Variants in ROBO2 observed in about 807,000 individuals in gnomAD.
The protein encoded by ROBO2 is roundabout homolog 2.
In ROBO2, 53 loss-of-function variants were observed where a neutral mutation model predicts 160.8. The ratio of observed to expected loss-of-function variants is 0.33; its 90% CI spans 0.26 to 0.41. The LOEUF (loss-of-function observed/expected upper bound fraction) is 0.41, where lower values mean the gene tolerates loss of function less well. ROBO2 is among the 10% of genes least tolerant of loss of function. The pLI is 1.00. For synonymous variants in ROBO2, 664 were observed against 611.7 expected, an observed-to-expected ratio of 1.09 and a Z score of -1.26; for missense variants, 1,577 against 1,722.4, an observed-to-expected ratio of 0.92 and a Z score of 1.49.
intron 5 of ROBO2, among the ~76,000 whole-genome samples, chr3:77,505,705 A>G (rs2088403393): frequency 6.6e-6 from 1 of 152,136 alleles, no homozygotes. Context: ...TAATATTTAC[A>G]AGTGCTTTCC....
intron 2 of ROBO2, among the ~76,000 whole-genome samples, chr3:76,248,993 A>G (rs1346233522): frequency 6.6e-6 from 1 of 152,164 alleles, no homozygotes; most frequent in Non-Finnish European, 1.5e-5. Context: ...TAAGACACAC[A>G]TGTATTTCGT....
intron 2 of ROBO2, among the ~76,000 whole-genome samples, chr3:77,211,016 C>G (rs1410020727): frequency 6.6e-6 from 1 of 152,122 alleles, no homozygotes; most frequent in East Asian, 1.9e-4. Context: ...GGTTCCAAGT[C>G]TTTGCTATCG....
Position 76,529,102 on chromosome 3 carries a change from T to A in ROBO2, c.110-568912T>A, listed in dbSNP as rs79903155. 8.6e-3 allele frequency among the ~76,000 whole-genome samples: 1,313 copies of A among 152,202 alleles called. 14 individuals carry two copies. The highest frequency in any genetic ancestry group is 0.029 in the African/African-American group (1,200 of 41,510). On this transcript the variant is annotated intron_variant, in intron 2 of 26. Coordinates refer to the ROBO2 transcript ENST00000487694. The stretch of plus-strand genomic sequence containing the variant: ...TGAGAAAGACAAAACTGTTGACAGC[T>A]CTTCTGAAAGACAGCATGTTATGTA...
At chr3:76,230,935 G>T (rs549340355) in intron 2 of ROBO2, among the ~76,000 whole-genome samples, 28 of 152,302 alleles carry the variant, frequency 1.8e-4, no homozygotes, top group African/African-American at 6.7e-4. Context: ...CAAAGGCAGA[G>T]ATCAGGGTAA....
chr3:76,826,556 G>T (rs553929464), intron 2 of ROBO2, among the ~76,000 whole-genome samples: 2 of 152,140 alleles, frequency 1.3e-5, no homozygotes, highest in South Asian at 2.1e-4. Flanking sequence ...GTATGGCCCC[G>T]TAATAACAAG....
At chr3:77,607,764 T>G (rs1583247612) in intron 20 of ROBO2, 34 bp from the exon 22 acceptor site, 1 of 1,596,150 alleles carries the variant, frequency 6.3e-7, no homozygotes, top group East Asian at 2.2e-5. Context: ...TTCTGCTATT[T>G]GGCATCTCTG....
intron 2 of ROBO2, among the ~76,000 whole-genome samples, chr3:76,702,443 TACAAA>T (rs1487660263): frequency 6.6e-6 from 1 of 151,508 alleles, no homozygotes; most frequent in African/African-American, 2.4e-5. Context: ...GAGGTTCATA[TACAAA>T]ACAAACAAAC....
At chr3:76,858,902 A>G (rs527685713) in intron 2 of ROBO2, among the ~76,000 whole-genome samples, 26 of 152,350 alleles carry the variant, frequency 1.7e-4, no homozygotes, top group Middle Eastern at 6.8e-3. Context: ...GTCCTGGAAG[A>G]TAGAAACCAG....
At chr3:76,037,416 C>T (rs998555783) in intron 2 of ROBO2, among the ~76,000 whole-genome samples, 10 of 151,746 alleles carry the variant, frequency 6.6e-5, no homozygotes, top group South Asian at 2.1e-4. Context: ...CACCACCATG[C>T]CTGGCTAATT....
intron 2 of ROBO2, among the ~76,000 whole-genome samples, chr3:76,351,101 C>A (rs955500906): frequency 6.6e-6 from 1 of 151,826 alleles, no homozygotes; most frequent in African/African-American, 2.4e-5. Flanking sequence ...GAATTTTCCT[C>A]AACCCTCTCA....
chr3:77,348,092 A>G (rs759141786), intron 2 of ROBO2, among the ~76,000 whole-genome samples: 12 of 152,022 alleles, frequency 7.9e-5, no homozygotes, highest in African/African-American at 2.4e-4. Flanking sequence ...AGCTTTTACC[A>G]GACAGGGGTC....
chr3:75,909,055 A>T (rs943868068), intron 1 of ROBO2, among the ~76,000 whole-genome samples: 1 of 152,206 alleles, frequency 6.6e-6, no homozygotes, highest in South Asian at 2.1e-4. Context: ...TGTGGGACTT[A>T]TGAGAAAAGG....
chr3:77,345,968 A>T (rs1455853013), intron 2 of ROBO2, among the ~76,000 whole-genome samples: 1 of 152,112 alleles, frequency 6.6e-6, no homozygotes, highest in African/African-American at 2.4e-5. Context: ...TACACATAAT[A>T]TTGGTTGGTT....
At chr3:77,107,126 G>C (rs1030867488) in intron 2 of ROBO2, among the ~76,000 whole-genome samples, 1 of 152,158 alleles carries the variant, frequency 6.6e-6, no homozygotes, top group Non-Finnish European at 1.5e-5. Flanking sequence ...CCACCTCCTG[G>C]TTCATAGACG....
At chr3:76,228,867 T>C (rs1207383637) in intron 2 of ROBO2, among the ~76,000 whole-genome samples, 1 of 152,114 alleles carries the variant, frequency 6.6e-6, no homozygotes, top group Non-Finnish European at 1.5e-5. Context: ...AAAAAATTAG[T>C]GGGGCATGCT....
intron 2 of ROBO2, among the ~76,000 whole-genome samples, chr3:76,932,128 A>G (rs2149059237): frequency 6.6e-6 from 1 of 152,282 alleles, no homozygotes; most frequent in African/African-American, 2.4e-5. Context: ...GACTACCAAA[A>G]AAAATGGCAT....
intron 2 of ROBO2, among the ~76,000 whole-genome samples, chr3:77,444,441 G>A (rs1422548097): frequency 2.0e-5 from 3 of 152,038 alleles, no homozygotes; most frequent in African/African-American, 7.3e-5. Flanking sequence ...ATTAACTTAT[G>A]TCTCCATGTA....
chr3:77,614,935 C>T (rs2094735896), intron 21 of ROBO2, among the ~76,000 whole-genome samples: 1 of 152,050 alleles, frequency 6.6e-6, no homozygotes, highest in Non-Finnish European at 1.5e-5. Flanking sequence ...AGTATTTGAA[C>T]TCTTCAAATT....
At chr3:76,712,921 G>T (rs2093322919) in intron 2 of ROBO2, among the ~76,000 whole-genome samples, 1 of 151,800 alleles carries the variant, frequency 6.6e-6, no homozygotes, top group African/African-American at 2.4e-5. Flanking sequence ...AATGATCATT[G>T]GATTCTTATT....
Sources: gnomAD v4.1 joint callset for allele counts (sites outside exome capture counted in the v4.1 genomes callset) on GRCh38, gnomAD v4.1.1 for gene constraint, MANE v1.5 for transcripts, NCBI Gene and HGNC (gene_info 2026-07-23, HGNC 2026-07-21) for gene names.